PTPRO: variants seen among roughly 807,000 people sequenced by gnomAD.
The protein encoded by PTPRO is protein tyrosine phosphatase receptor type O, also known as receptor-type tyrosine-protein phosphatase O.
In PTPRO, 62 loss-of-function variants were observed where a neutral mutation model predicts 145.2. The ratio of observed to expected loss-of-function variants is 0.43; its 90% CI spans 0.35 to 0.53. The LOEUF (loss-of-function observed/expected upper bound fraction) is 0.53, where lower values mean the gene tolerates loss of function less well. Among genes scored for constraint, PTPRO ranks in the 20% least tolerant of loss-of-function variants. The pLI is 0.01. For synonymous variants in PTPRO, 565 were observed against 514.7 expected (o/e 1.10, Z -1.32); for missense variants, 1,345 against 1,482.7 (o/e 0.91, Z 1.53).
At chr12:15,545,674 A>C (rs1284836883) in intron 12 of PTPRO, among the ~76,000 whole-genome samples, 1 of 152,122 alleles carries the variant, frequency 6.6e-6, no homozygotes, top group Non-Finnish European at 1.5e-5. Flanking sequence ...AAAATGTCTA[A>C]GATAAAAAAT....
chr12:15,489,303 CA>C (rs953721122), intron 2 of PTPRO, among the ~76,000 whole-genome samples: 6 of 152,116 alleles, frequency 3.9e-5, no homozygotes, highest in African/African-American at 1.4e-4. Flanking sequence ...GTGCACACCG[CA>C]AAGCAAAAGC....
At chr12:15,559,753 T>C (rs575970288) in intron 16 of PTPRO, among the ~76,000 whole-genome samples, 74 of 152,292 alleles carry the variant, frequency 4.9e-4, no homozygotes, top group African/African-American at 1.8e-3. Flanking sequence ...ATATGTAAAC[T>C]GACCATTTTT....
At chr12:15,592,237 A>G (rs1267665671) in intron 25 of PTPRO, among the ~76,000 whole-genome samples, 1 of 152,208 alleles carries the variant, frequency 6.6e-6, no homozygotes, top group Non-Finnish European at 1.5e-5. Flanking sequence ...TTCTGCTGCC[A>G]GGTCACAAAA....
At chr12:15,409,442 A>T (rs1939733670) in intron 1 of PTPRO, among the ~76,000 whole-genome samples, 1 of 152,162 alleles carries the variant, frequency 6.6e-6, no homozygotes, top group Non-Finnish European at 1.5e-5. Flanking sequence ...CAAGCAGTAG[A>T]CTGGAGTTTT....
At chr12:15,522,533 C>T (rs190566852) in intron 10 of PTPRO, among the ~76,000 whole-genome samples, 1 of 151,058 alleles carries the variant, frequency 6.6e-6, no homozygotes, top group Non-Finnish European at 1.5e-5. Context: ...AAAGTAAAAA[C>T]GCGTGTGTGT....
rs533101066 is a variant in PTPRO, at chr12:15,454,840, A to G, written c.76-29134A>G. On this transcript the variant is annotated intron_variant, in intron 1 of 26. Transcript: ENST00000281171. ...AACACCATTGGTTGAAGAGACTCTC[A>G]TTTTCCCATTGTGTGTAGTCTTGGC... 2.5e-3 allele frequency among the ~76,000 whole-genome samples: 375 copies of G among 152,204 alleles called. 1 individual carries two copies. The highest frequency in any genetic ancestry group is 8.7e-3 in the African/African-American group (363 of 41,538).
intron 1 of PTPRO, among the ~76,000 whole-genome samples, chr12:15,358,605 T>C (rs1938073854): frequency 6.6e-6 from 1 of 152,152 alleles, no homozygotes; most frequent in African/African-American, 2.4e-5. Context: ...AGTTTCTAAG[T>C]TTTACAGATG....
At chr12:15,556,565 G>A (rs557231595) in intron 15 of PTPRO, among the ~76,000 whole-genome samples, 97 of 150,774 alleles carry the variant, frequency 6.4e-4, no homozygotes, top group African/African-American at 2.3e-3. Context: ...GCCACATTCC[G>A]GACAGTAGGC....
intron 17 of PTPRO, among the ~76,000 whole-genome samples, chr12:15,565,120 A>G (rs1304883871): frequency 2.6e-5 from 4 of 152,220 alleles, no homozygotes; most frequent in Non-Finnish European, 5.9e-5. Flanking sequence ...CACTGACAGC[A>G]CACATTCACA....
intron 19 of PTPRO, among the ~76,000 whole-genome samples, chr12:15,570,210 G>A (rs73296090): frequency 0.042 from 6,358 of 152,110 alleles, 423 homozygotes; most frequent in African/African-American, 0.14. Flanking sequence ...ATATTTTATA[G>A]CTCATAACAC....
intron 19 of PTPRO, 131 bp from the exon 20 acceptor site, chr12:15,578,722 G>A: frequency 4.1e-6 from 3 of 725,418 alleles, no homozygotes; most frequent in Admixed American, 2.0e-5. Context: ...GTGGGGTGGA[G>A]TACCTTCCAC....
At position 15,322,882 on chromosome 12, in the gene PTPRO, C is replaced by A; in HGVS notation, c.75+81C>A. 1 of 1,444,532 alleles carries A rather than the reference C, an allele frequency of 6.9e-7. No individual in the cohort carries two copies. The highest frequency in any genetic ancestry group is 1.2e-5 in the South Asian group (1 of 82,306). The allele number at this position is 1,444,532 out of a possible 1,614,324, so 89.5% of individuals were successfully genotyped here. A position where few individuals can be genotyped will look rare whatever the true frequency, so the allele number is the denominator to read the frequency against. Reference sequence around the variant, plus strand: ...GGCGCCCTCGCTCTGCCGTTGGGAGCGGCGCGCCCCAGGGCACGATGGCCC... The same window carrying A: ...GGCGCCCTCGCTCTGCCGTTGGGAGAGGCGCGCCCCAGGGCACGATGGCCC... On this transcript the variant is annotated intron_variant, in intron 1 of 26. Transcript: ENST00000281171. This position sits in a 1 kb window ranked among gnomAD's most constrained non-coding sequence, Gnocchi z 6.3.
At chr12:15,500,233 C>G (rs1043014602) in intron 4 of PTPRO, among the ~76,000 whole-genome samples, 4 of 152,078 alleles carry the variant, frequency 2.6e-5, no homozygotes, top group Non-Finnish European at 4.4e-5. Flanking sequence ...CTGGAGAGGC[C>G]ATTCTGATGA....
chr12:15,327,346 A>AT (rs1866474144), intron 1 of PTPRO, among the ~76,000 whole-genome samples: 2 of 152,102 alleles, frequency 1.3e-5, no homozygotes, highest in Admixed American at 6.5e-5. Context: ...GGGGAAATTG[A>AT]TTTTTTTAAC....
intron 7 of PTPRO, among the ~76,000 whole-genome samples, chr12:15,512,099 G>T (rs1029170128): frequency 2.0e-5 from 3 of 150,876 alleles, no homozygotes; most frequent in Non-Finnish European, 3.0e-5. Context: ...ATGGAGCAAT[G>T]TTTTTTTGTT....
chr12:15,498,056 G>C (rs1323327892), intron 3 of PTPRO, among the ~76,000 whole-genome samples: 3 of 142,698 alleles, frequency 2.1e-5, no homozygotes, highest in African/African-American at 7.9e-5. Context: ...GAAGGAACTT[G>C]AATACGCTCA....
In PTPRO at chr12:15,379,656, T is replaced by C. The variant is rs369215180; in HGVS notation, c.75+56855T>C. ...GCTCAACATGTATCAACCTTGAAAATACAATGTGTCAAGGATGCCAATCAC... is the reference window on the plus strand; with the variant it reads ...GCTCAACATGTATCAACCTTGAAAACACAATGTGTCAAGGATGCCAATCAC... On this transcript the variant is annotated intron_variant, in intron 1 of 26. Coordinates refer to ENST00000281171, the MANE Select transcript of PTPRO (RefSeq NM_030667.3). Among the ~76,000 whole-genome samples the C allele has an allele frequency of 2.1e-3, 322 of 149,968 alleles. 12 individuals are homozygous for C. In the South Asian group the frequency reaches 0.063, roughly 29 times the overall value.
chr12:15,424,904 C>T (rs1940242290), intron 1 of PTPRO, among the ~76,000 whole-genome samples: 1 of 152,072 alleles, frequency 6.6e-6, no homozygotes, highest in African/African-American at 2.4e-5. Context: ...GGATGGCTCC[C>T]ATCTCATCTG....
At chr12:15,413,517 T>C (rs1156871133) in intron 1 of PTPRO, among the ~76,000 whole-genome samples, 1 of 152,152 alleles carries the variant, frequency 6.6e-6, no homozygotes, top group African/African-American at 2.4e-5. Context: ...GATTTTAAGA[T>C]ATTTTAAAAG....
Sources: allele counts gnomAD v4.1 joint callset (sites outside exome capture counted in the v4.1 genomes callset), GRCh38; gene constraint gnomAD v4.1.1; non-coding constraint Gnocchi (gnomAD v3.1); transcripts MANE v1.5; gene names NCBI Gene and HGNC (gene_info 2026-07-23, HGNC 2026-07-21).